Variants in CCSER1 observed in about 807,000 individuals in gnomAD.
CCSER1 encodes the protein coiled-coil serine rich protein 1.
Under a neutral mutation model 82.0 loss-of-function variants are expected in CCSER1, and 41 were observed. The observed-to-expected ratio is 0.50, with a 90% CI of 0.39 to 0.65. CCSER1 has a LOEUF of 0.65. Among genes scored for constraint, CCSER1 ranks in the 30% least tolerant of loss-of-function variants. The pLI is 0.00. For missense variants in CCSER1, 1,119 were observed against 1,064.2 expected, an observed-to-expected ratio of 1.05 and a Z score of -0.72; for synonymous variants, 414 against 383.9, an observed-to-expected ratio of 1.08 and a Z score of -0.92.
intron 9 of CCSER1, among the ~76,000 whole-genome samples, chr4:90,953,014 G>C (rs890431276): frequency 2.0e-5 from 3 of 151,794 alleles, no homozygotes; most frequent in Non-Finnish European, 4.4e-5. Flanking sequence ...TTAATATTTT[G>C]CTTTAATATT....
chr4:90,687,023 TTTC>T (rs1056213877), intron 6 of CCSER1, among the ~76,000 whole-genome samples: 1 of 152,142 alleles, frequency 6.6e-6, no homozygotes, highest in Non-Finnish European at 1.5e-5. Flanking sequence ...CCACTGTAAT[TTTC>T]TTACCTATCG....
At chr4:90,699,812 A>G (rs1421972266) in intron 6 of CCSER1, among the ~76,000 whole-genome samples, 1 of 152,030 alleles carries the variant, frequency 6.6e-6, no homozygotes, top group Non-Finnish European at 1.5e-5. Flanking sequence ...GGGGTGATTC[A>G]GTTATGAGGT....
intron 10 of CCSER1, among the ~76,000 whole-genome samples, chr4:91,359,877 C>T (rs1431939363): frequency 1.3e-5 from 2 of 151,678 alleles, no homozygotes; most frequent in Non-Finnish European, 2.9e-5. Context: ...AGATAGAAAG[C>T]CTTAAAGGAA....
At chr4:90,732,579 T>G (rs1030840523) in intron 7 of CCSER1, among the ~76,000 whole-genome samples, 1 of 152,154 alleles carries the variant, frequency 6.6e-6, no homozygotes, top group African/African-American at 2.4e-5. Context: ...TACAAACTAC[T>G]TAGGGACAGT....
intron 3 of CCSER1, among the ~76,000 whole-genome samples, chr4:90,356,600 A>G (rs1744414904): frequency 6.6e-6 from 1 of 151,740 alleles, no homozygotes; most frequent in South Asian, 2.1e-4. Flanking sequence ...CCTCATAGAT[A>G]TGAAGTGAGA....
chr4:91,361,862 G>T (rs1749268932), intron 10 of CCSER1, among the ~76,000 whole-genome samples: 1 of 151,654 alleles, frequency 6.6e-6, no homozygotes, highest in Non-Finnish European at 1.5e-5. Context: ...TATTGTAAAA[G>T]TTGGCTGCAA....
At chr4:90,326,558 C>G (rs1013501339) in intron 3 of CCSER1, among the ~76,000 whole-genome samples, 5 of 152,070 alleles carry the variant, frequency 3.3e-5, no homozygotes, top group Admixed American at 2.0e-4. Flanking sequence ...TTTTAAATCT[C>G]TCTGTTAGGC....
chr4:90,510,749 A>G (rs1771377989), intron 5 of CCSER1, among the ~76,000 whole-genome samples: 1 of 152,190 alleles, frequency 6.6e-6, no homozygotes, highest in African/African-American at 2.4e-5. Flanking sequence ...TAGTGTTATA[A>G]TTGAAGTTGT....
At chr4:90,763,952 T>G (rs1750794562) in intron 7 of CCSER1, among the ~76,000 whole-genome samples, 1 of 152,224 alleles carries the variant, frequency 6.6e-6, no homozygotes, top group African/African-American at 2.4e-5. Flanking sequence ...TGTTTATGAT[T>G]TTATAAAGAG....
At chr4:90,709,373 T>C (rs1480895151) in intron 6 of CCSER1, among the ~76,000 whole-genome samples, 1 of 152,064 alleles carries the variant, frequency 6.6e-6, no homozygotes, top group East Asian at 1.9e-4. Flanking sequence ...GCACAGAGCA[T>C]CCCATCACCT....
intron 9 of CCSER1, among the ~76,000 whole-genome samples, chr4:90,982,139 A>G (rs1736169139): frequency 6.6e-6 from 1 of 151,844 alleles, no homozygotes; most frequent in Non-Finnish European, 1.5e-5. Context: ...CGTTTCTTAC[A>G]GTTTTAAAAT....
chr4:90,650,790 C>A (rs1560884876), intron 6 of CCSER1, among the ~76,000 whole-genome samples: 1 of 152,168 alleles, frequency 6.6e-6, no homozygotes, highest in Non-Finnish European at 1.5e-5. Context: ...CCTTTTCTTT[C>A]TGTAAAATCT....
chr4:90,718,934 A>T (rs1322741018), intron 6 of CCSER1, among the ~76,000 whole-genome samples: 1 of 152,150 alleles, frequency 6.6e-6, no homozygotes, highest in Non-Finnish European at 1.5e-5. Context: ...TTGGTGCATT[A>T]CTATTAACTC....
In CCSER1 at chr4:91,041,409, T is replaced by A. The variant is rs570164091; in HGVS notation, c.2173-44541T>A. On this transcript the variant is annotated intron_variant, in intron 9 of 10. Coordinates refer to ENST00000509176, the MANE Select transcript of CCSER1 (RefSeq NM_001145065.2). ...GTTCTAGATTACTTTTTGTTTTTCCTCTATGAGCTAGCATTGCTTTGTGGG... is the reference window on the plus strand; with the variant it reads ...GTTCTAGATTACTTTTTGTTTTTCCACTATGAGCTAGCATTGCTTTGTGGG... Among the ~76,000 whole-genome samples, 4 of 152,338 alleles carry A rather than the reference T, an allele frequency of 2.6e-5. No individual in the cohort carries two copies. In the South Asian group the frequency reaches 8.3e-4, roughly 32 times the overall value.
chr4:91,233,357 G>C (rs1738768314), intron 10 of CCSER1, among the ~76,000 whole-genome samples: 1 of 151,862 alleles, frequency 6.6e-6, no homozygotes, highest in Non-Finnish European at 1.5e-5. Flanking sequence ...GACCTAATGA[G>C]ATAATAATTT....
At chr4:91,071,444 A>G (rs1310518971) in intron 9 of CCSER1, among the ~76,000 whole-genome samples, 1 of 152,156 alleles carries the variant, frequency 6.6e-6, no homozygotes, top group Non-Finnish European at 1.5e-5. Flanking sequence ...CTAGGTGAAG[A>G]GAGTTCCAGG....
chr4:90,436,907 C>T (rs998229496), intron 4 of CCSER1, among the ~76,000 whole-genome samples: 5 of 151,518 alleles, frequency 3.3e-5, no homozygotes, highest in Admixed American at 6.6e-5. Context: ...CCCGGGTTCA[C>T]GCCATTCTCC....
At chr4:90,713,265 T>C (rs932538341) in intron 6 of CCSER1, among the ~76,000 whole-genome samples, 7 of 152,108 alleles carry the variant, frequency 4.6e-5, no homozygotes, top group Admixed American at 4.6e-4. Context: ...CAGTGTGTTT[T>C]TGTAGTGGCT....
chr4:91,172,607 C>A (rs759152749), intron 10 of CCSER1, among the ~76,000 whole-genome samples: 4 of 152,238 alleles, frequency 2.6e-5, no homozygotes, highest in Non-Finnish European at 2.9e-5. Context: ...TACGTGATGC[C>A]TCATTTTGTC....
Sources: allele counts gnomAD v4.1 joint callset (sites outside exome capture counted in the v4.1 genomes callset), GRCh38; gene constraint gnomAD v4.1.1; transcripts MANE v1.5; gene names NCBI Gene and HGNC (gene_info 2026-07-23, HGNC 2026-07-21).